VPS13B: variants seen among roughly 807,000 people sequenced by gnomAD.
The protein encoded by VPS13B is vacuolar protein sorting 13 homolog B, also known as intermembrane lipid transfer protein VPS13B.
A neutral mutation model predicts 426.4 loss-of-function variants in VPS13B; 285 were observed. The observed-to-expected ratio is 0.67, with a 90% CI of 0.61 to 0.74. The LOEUF (loss-of-function observed/expected upper bound fraction) is 0.74, where lower values mean the gene tolerates loss of function less well. Among genes scored for constraint, VPS13B ranks in the 30% least tolerant of loss-of-function variants. VPS13B has a pLI of 0.00. For synonymous variants in VPS13B, 1,676 were observed against 1,676.4 expected (o/e 1.00, Z 0.01); for missense variants, 4,537 against 4,782.6 (o/e 0.95, Z 1.51).
intron 17 of VPS13B, among the ~76,000 whole-genome samples, chr8:99,197,338 A>G (rs1813999017): frequency 6.6e-6 from 1 of 152,218 alleles, no homozygotes; most frequent in African/African-American, 2.4e-5. Flanking sequence ...GCCTTCTAAA[A>G]TGAGTTTGAA....
At chr8:99,697,732 C>A in intron 35 of VPS13B, 2 of 622,730 alleles carry the variant, frequency 3.2e-6, no homozygotes, top group Non-Finnish European at 6.1e-6. Flanking sequence ...TGGGCCTGGC[C>A]TAGGGCGCGC....
intron 22 of VPS13B, among the ~76,000 whole-genome samples, chr8:99,432,410 A>G (rs910368854): frequency 2.6e-5 from 4 of 152,126 alleles, no homozygotes; most frequent in African/African-American, 9.7e-5. Context: ...AGGTTTTGTG[A>G]TCTGCAAAAT....
At chr8:99,417,638 A>T (rs1816099711) in intron 21 of VPS13B, among the ~76,000 whole-genome samples, 1 of 152,166 alleles carries the variant, frequency 6.6e-6, no homozygotes, top group Admixed American at 6.5e-5. Context: ...TAATCTATAT[A>T]TAACTTGAAC....
chr8:99,638,070 T>A (rs575679923), intron 33 of VPS13B, among the ~76,000 whole-genome samples: 1 of 152,276 alleles, frequency 6.6e-6, no homozygotes, highest in East Asian at 1.9e-4. Flanking sequence ...GGAGGTTTAT[T>A]TGAAATTTTC....
At chr8:99,621,149 G>A (rs1828333294) in intron 33 of VPS13B, among the ~76,000 whole-genome samples, 1 of 152,154 alleles carries the variant, frequency 6.6e-6, no homozygotes, top group African/African-American at 2.4e-5. Context: ...GTTGGTTTAA[G>A]AGCACAAGTC....
chr8:99,037,983 TA>T, intron 2 of VPS13B, among the ~76,000 whole-genome samples: 1 of 152,164 alleles, frequency 6.6e-6, no homozygotes, highest in South Asian at 2.1e-4. Flanking sequence ...GATGGAGACT[TA>T]AAAAATTACA....
chr8:99,767,249 C>T (rs900959616), intron 40 of VPS13B, among the ~76,000 whole-genome samples: 2 of 151,644 alleles, frequency 1.3e-5, no homozygotes, highest in African/African-American at 4.8e-5. Flanking sequence ...GCAAGTTAAA[C>T]AAAAAGTCTA....
At chr8:99,446,837 C>A (rs1373231454) in intron 23 of VPS13B, among the ~76,000 whole-genome samples, 2 of 152,144 alleles carry the variant, frequency 1.3e-5, no homozygotes, top group African/African-American at 2.4e-5. Flanking sequence ...CTCAGAAGAT[C>A]TTCTCTTGGA....
At chr8:99,117,937 C>T (rs2132505194) in intron 7 of VPS13B, among the ~76,000 whole-genome samples, 1 of 152,112 alleles carries the variant, frequency 6.6e-6, no homozygotes, top group East Asian at 1.9e-4. Flanking sequence ...GCTATTTAAA[C>T]TTTATCTCAT....
At chr8:99,309,084 C>G (rs2133092192) in intron 19 of VPS13B, among the ~76,000 whole-genome samples, 1 of 152,186 alleles carries the variant, frequency 6.6e-6, no homozygotes, top group South Asian at 2.1e-4. Flanking sequence ...GATATTAGCC[C>G]TTTGTCAGAT....
rs552049016 is a variant in VPS13B, at chr8:99,444,591, A to G, written c.3445+1956A>G. 5.9e-5 allele frequency among the ~76,000 whole-genome samples: 9 copies of G among 152,184 alleles called. No homozygotes were observed. In the South Asian group the frequency reaches 8.3e-4, roughly 14 times the overall value. ...GAATCTCATTGTGGTTTTGGTTTGC[A>G]TTTCCCTAATGACTAATAATGTTGA... On this transcript the variant is annotated intron_variant, in intron 23 of 61. Transcript: ENST00000357162.
chr8:99,316,712 C>T (rs1563664940), intron 19 of VPS13B, among the ~76,000 whole-genome samples: 1 of 152,062 alleles, frequency 6.6e-6, no homozygotes, highest in Non-Finnish European at 1.5e-5. Context: ...TTGTTGAATT[C>T]CATTGTTCTT....
At chr8:99,857,268 C>T (rs1816596139) in intron 56 of VPS13B, among the ~76,000 whole-genome samples, 1 of 152,206 alleles carries the variant, frequency 6.6e-6, no homozygotes, top group Non-Finnish European at 1.5e-5. Context: ...GATTCCCACT[C>T]CCTCTCTACG....
chr8:99,188,686 G>A (rs1309107135), intron 16 of VPS13B, among the ~76,000 whole-genome samples: 4 of 152,074 alleles, frequency 2.6e-5, no homozygotes, highest in Non-Finnish European at 4.4e-5. Context: ...ACCTCTGTGC[G>A]TGATGTTCCA....
chr8:99,544,801 C>A (rs754314575), intron 30 of VPS13B, among the ~76,000 whole-genome samples: 1 of 152,132 alleles, frequency 6.6e-6, no homozygotes, highest in Non-Finnish European at 1.5e-5. Context: ...TCAAGCCCTG[C>A]CTAATAATAG....
At chr8:99,295,204 G>T (rs931098089) in intron 19 of VPS13B, among the ~76,000 whole-genome samples, 14 of 152,038 alleles carry the variant, frequency 9.2e-5, no homozygotes, top group African/African-American at 3.4e-4. Context: ...AAATAAAAAA[G>T]AAGTTTTACA....
intron 15 of VPS13B, among the ~76,000 whole-genome samples, chr8:99,161,058 T>C (rs1205503558): frequency 1.3e-5 from 2 of 152,220 alleles, no homozygotes; most frequent in Non-Finnish European, 2.9e-5. Context: ...TTTTATGTTA[T>C]ATGGAGAGTA....
chr8:99,708,964 G>A (rs757148535), intron 36 of VPS13B, among the ~76,000 whole-genome samples: 2 of 151,910 alleles, frequency 1.3e-5, no homozygotes, highest in African/African-American at 4.8e-5. Context: ...GGGCGGGGAC[G>A]AACATGTTTT....
chr8:99,098,297 G>T (rs1021220005), intron 4 of VPS13B, among the ~76,000 whole-genome samples: 2 of 152,028 alleles, frequency 1.3e-5, no homozygotes, highest in Non-Finnish European at 2.9e-5. Flanking sequence ...AACTGAAACC[G>T]GTTAACATTG....
Sources: gnomAD v4.1 joint callset for allele counts (sites outside exome capture counted in the v4.1 genomes callset) on GRCh38, gnomAD v4.1.1 for gene constraint, MANE v1.5 for transcripts, NCBI Gene and HGNC (gene_info 2026-07-23, HGNC 2026-07-21) for gene names.